Variants in DPYD observed in about 807,000 individuals in gnomAD.
The protein encoded by DPYD is dihydropyrimidine dehydrogenase.
Under a neutral mutation model 116.2 loss-of-function variants are expected in DPYD, and 109 were observed. The observed-to-expected ratio is 0.94, with a 90% CI of 0.80 to 1.10. The LOEUF is 1.10. DPYD is among the 50% of genes least tolerant of loss of function. The pLI is 0.00. For synonymous variants in DPYD, 440 were observed against 432.0 expected (o/e 1.02, Z -0.23); for missense variants, 1,302 against 1,254.5 (o/e 1.04, Z -0.57).
chr1:97,704,123 CAACT>C (rs1292780420), intron 5 of DPYD, among the ~76,000 whole-genome samples: 12 of 151,982 alleles, frequency 7.9e-5, no homozygotes, highest in African/African-American at 2.9e-4. Context: ...AAAACATCAG[CAACT>C]AACTCTTTTT....
intron 20 of DPYD, among the ~76,000 whole-genome samples, chr1:97,132,055 T>C (rs531832311): frequency 6.6e-6 from 1 of 152,206 alleles, no homozygotes; most frequent in South Asian, 2.1e-4. Flanking sequence ...TTGAAGAATA[T>C]GCAGAAAGAA....
chr1:97,504,814 C>G (rs1201141407), intron 13 of DPYD, among the ~76,000 whole-genome samples: 2 of 149,616 alleles, frequency 1.3e-5, no homozygotes, highest in African/African-American at 4.9e-5. Flanking sequence ...GGGAGGTAGT[C>G]AGTCAGCAGG....
chr1:97,383,537 C>T (rs1485361978), intron 14 of DPYD, among the ~76,000 whole-genome samples: 1 of 151,346 alleles, frequency 6.6e-6, no homozygotes, highest in Non-Finnish European at 1.5e-5. Flanking sequence ...ATTGCTAAGA[C>T]TTACATAGCT....
intron 3 of DPYD, among the ~76,000 whole-genome samples, chr1:97,743,621 T>C (rs924768900): frequency 1.3e-5 from 2 of 152,136 alleles, no homozygotes; most frequent in African/African-American, 4.8e-5. Flanking sequence ...TACAATGATA[T>C]AGGCAAATGG....
At chr1:97,258,049 T>A (rs1343748509) in intron 18 of DPYD, among the ~76,000 whole-genome samples, 5 of 151,990 alleles carry the variant, frequency 3.3e-5, no homozygotes, top group Non-Finnish European at 5.9e-5. Context: ...GATAACGGCA[T>A]GAGCAAAAGG....
chr1:97,170,647 T>C (rs552238769), intron 20 of DPYD, among the ~76,000 whole-genome samples: 2 of 152,104 alleles, frequency 1.3e-5, no homozygotes, highest in South Asian at 4.2e-4. Context: ...TCTCTGGCTG[T>C]CTCTATCTTA....
chr1:97,236,137 C>T (rs952964412), intron 18 of DPYD, among the ~76,000 whole-genome samples: 3 of 152,102 alleles, frequency 2.0e-5, no homozygotes, highest in African/African-American at 7.2e-5. Context: ...TCCTGGTGTT[C>T]CCTTATAAGT....
intron 20 of DPYD, among the ~76,000 whole-genome samples, chr1:97,179,298 T>G (rs1657490912): frequency 6.6e-6 from 1 of 152,146 alleles, no homozygotes; most frequent in South Asian, 2.1e-4. Flanking sequence ...TTTGTTTGTT[T>G]CACTTGGGAC....
At chr1:97,569,637 G>T (rs950752984) in intron 11 of DPYD, among the ~76,000 whole-genome samples, 1 of 151,642 alleles carries the variant, frequency 6.6e-6, no homozygotes, top group Non-Finnish European at 1.5e-5. Context: ...ATATGGAGTC[G>T]TACATTCTTA....
At chr1:97,186,026 G>C (rs1657971864) in intron 20 of DPYD, among the ~76,000 whole-genome samples, 1 of 152,158 alleles carries the variant, frequency 6.6e-6, no homozygotes, top group Admixed American at 6.5e-5. Flanking sequence ...AACTTTTAAA[G>C]TTGTAAATAG....
At chr1:97,798,954 T>C (rs577900712) in intron 3 of DPYD, among the ~76,000 whole-genome samples, 2 of 151,998 alleles carry the variant, frequency 1.3e-5, no homozygotes, top group Non-Finnish European at 2.9e-5. Context: ...CTTATGAGAC[T>C]CCCATCTTCA....
At chr1:97,369,517 T>C (rs1366591488) in intron 16 of DPYD, among the ~76,000 whole-genome samples, 5 of 152,114 alleles carry the variant, frequency 3.3e-5, no homozygotes, top group Non-Finnish European at 7.4e-5. Flanking sequence ...AAAGTGCAGG[T>C]CTAGAAGCCA....
intron 7 of DPYD, among the ~76,000 whole-genome samples, chr1:97,683,947 A>G (rs1660567141): frequency 6.6e-6 from 1 of 152,206 alleles, no homozygotes; most frequent in Non-Finnish European, 1.5e-5. Context: ...TTTTTCTGAA[A>G]CTAATAACTT....
At chr1:97,790,006 G>T (rs990958312) in intron 3 of DPYD, among the ~76,000 whole-genome samples, 1 of 152,144 alleles carries the variant, frequency 6.6e-6, no homozygotes, top group Non-Finnish European at 1.5e-5. Flanking sequence ...GAGAAAAACC[G>T]CAAAGCATCA....
chr1:97,664,897 G>A (rs1659476730), intron 8 of DPYD, among the ~76,000 whole-genome samples: 1 of 152,048 alleles, frequency 6.6e-6, no homozygotes, highest in South Asian at 2.1e-4. Flanking sequence ...GGAAAAGAGA[G>A]CATACTTAAA....
chr1:97,733,818 G>A (rs577294765), intron 4 of DPYD, among the ~76,000 whole-genome samples: 1 of 151,842 alleles, frequency 6.6e-6, no homozygotes, highest in Non-Finnish European at 1.5e-5. Context: ...GTAACACAGG[G>A]GTTTACTTTT....
rs80342339 is a variant in DPYD, at chr1:97,606,853, G to T, written c.851-11687C>A. ...AACTTCTCTTCTTCTTCTTAACCAGGATTACTAGTAACCTCCACTAACATG... is the reference window on the plus strand; with the variant it reads ...AACTTCTCTTCTTCTTCTTAACCAGTATTACTAGTAACCTCCACTAACATG... On this transcript the variant is annotated intron_variant, in intron 8 of 22. Coordinates refer to ENST00000370192, the MANE Select transcript of DPYD (RefSeq NM_000110.4). 6.9e-3 allele frequency among the ~76,000 whole-genome samples: 1,052 copies of T among 151,950 alleles called. 13 individuals carry two copies. Among genetic ancestry groups the T allele is most frequent in the African/African-American group, 0.024 (1,004 of 41,458 alleles).
At position 97,125,050 on chromosome 1, in the gene DPYD, G is replaced by C. The variant is rs527723535; in HGVS notation, c.2623-26418C>G. 4.8e-4 allele frequency among the ~76,000 whole-genome samples: 73 copies of C among 152,136 alleles called. 1 individual carries two copies. The South Asian group carries it at 0.015, about 32-fold the overall frequency. On this transcript the variant is annotated intron_variant, in intron 20 of 22. Coordinates refer to ENST00000370192, the MANE Select transcript of DPYD (RefSeq NM_000110.4). ...TTTTTTAGAATGTTAATTTAATTTTGAAACCTTTTTAAAAGGCTTAAAGGA... is the reference window on the plus strand; with the variant it reads ...TTTTTTAGAATGTTAATTTAATTTTCAAACCTTTTTAAAAGGCTTAAAGGA...
chr1:97,354,755 G>A (rs763684710), intron 16 of DPYD, among the ~76,000 whole-genome samples: 16 of 152,148 alleles, frequency 1.1e-4, no homozygotes, highest in Non-Finnish European at 1.9e-4. Flanking sequence ...CCAATGACAC[G>A]AAAAGACATT....
Sources: allele counts gnomAD v4.1 joint callset (sites outside exome capture counted in the v4.1 genomes callset), GRCh38; gene constraint gnomAD v4.1.1; transcripts MANE v1.5; gene names NCBI Gene and HGNC (gene_info 2026-07-23, HGNC 2026-07-21).